The following MSN variants were observed in gnomAD, a reference collection of about 807,000 sequenced individuals.
MSN encodes the protein moesin.
Under a neutral mutation model 48.0 loss-of-function variants are expected in MSN, and 2 were observed. The ratio of observed to expected loss-of-function variants is 0.04; its 90% CI spans 0.02 to 0.13. The LOEUF (loss-of-function observed/expected upper bound fraction) is 0.13, where lower values mean the gene tolerates loss of function less well. Ranked by LOEUF, MSN falls within the 10% of genes least tolerant of loss-of-function variation. MSN has a pLI of 1.00. For synonymous variants in MSN, 146 were observed against 166.9 expected, an observed-to-expected ratio of 0.87 and a Z score of 0.97; for missense variants, 267 against 470.1, an observed-to-expected ratio of 0.57 and a Z score of 3.99.
At position 65,739,120 on chromosome X, in the gene MSN, A is replaced by G. The variant is rs1396108798; in HGVS notation, c.1495A>G (p.Met499Val). ...EASADLRADA[M>V]AKDRSEEERT... ...TAGTGCTGACCTACGGGCTGATGCTATGGCCAAGGACCGCAGTGAGGAGGA... is the reference window on the plus strand; with the variant it reads ...TAGTGCTGACCTACGGGCTGATGCTGTGGCCAAGGACCGCAGTGAGGAGGA... The change falls in exon 12 of 13, where the codon ATG (methionine) becomes GTG (valine). Residue 499 changes from methionine (M) to valine (V), a missense_variant. Coordinates refer to ENST00000360270, the MANE Select transcript of MSN (RefSeq NM_002444.3). 8.3e-7 allele frequency: 1 copy of G among 1,210,033 alleles called. No individual in the cohort carries two copies. The highest frequency in any genetic ancestry group is 1.1e-6 in the Non-Finnish European group (1 of 894,866).
At position 65,599,483 on chromosome X, in the gene MSN, A is replaced by G. The variant is rs772791464; in HGVS notation, c.-22+10871A>G. On this transcript the variant is annotated intron_variant, in intron 1 of 3. Transcript: ENST00000609672. Reference sequence around the variant, plus strand: ...CCTCATCTCTACTAAAAATACAAAAATTAGCTGGGCGTAGTGGCATGTGCC... The same window carrying G: ...CCTCATCTCTACTAAAAATACAAAAGTTAGCTGGGCGTAGTGGCATGTGCC... Among the ~76,000 whole-genome samples the G allele has an allele frequency of 2.7e-5, 3 of 111,106 alleles. No homozygotes were observed. In the South Asian group the frequency reaches 1.1e-3, roughly 42 times the overall value.
intron 1 of MSN, among the ~76,000 whole-genome samples, chrX:65,684,823 C>G (rs1202915902): frequency 1.8e-5 from 2 of 112,811 alleles, no homozygotes; most frequent in African/African-American, 3.2e-5. Flanking sequence ...ACTGTAACCT[C>G]CAACTCTTGG....
Position 65,737,278 on chromosome X carries a change from A to G in MSN, c.1191A>G (p.Glu397=), listed in dbSNP as rs752902013. ...TGGCCAAGGAGCGTCAAGAAGCTGAAGAGGCCAAGGAGGCCTTGCTGCAGG... is the reference window on the plus strand; with the variant it reads ...TGGCCAAGGAGCGTCAAGAAGCTGAGGAGGCCAAGGAGGCCTTGCTGCAGG... The part of the protein sequence containing the change: ...EKLAKERQEA[E]EAKEALLQAS... The change falls in exon 10 of 13, where the codon GAA becomes GAG. Residue 397 remains glutamate (E), a synonymous_variant. Transcript: ENST00000360270. 3 of 1,209,823 alleles carry G rather than the reference A, an allele frequency of 2.5e-6. No homozygotes were observed. The African/African-American group carries it at 5.2e-5, about 21-fold the overall frequency.
rs1464949940 is a variant in MSN at position 65,683,939 on chromosome X, TTTC to T, written c.12+16089_12+16091del. Among the ~76,000 whole-genome samples, 3 of 102,176 alleles carry T rather than the reference TTTC, an allele frequency of 2.9e-5. 1 individual carries two copies. Among genetic ancestry groups the T allele is most frequent in the Non-Finnish European group, 4.1e-5 (2 of 49,078 alleles). The allele number at this position is 102,176 out of a possible 115,157, so 88.7% of individuals were successfully genotyped here. On this transcript the variant is annotated intron_variant, in intron 1 of 12. Coordinates refer to ENST00000360270, the MANE Select transcript of MSN (RefSeq NM_002444.3). ...AAACTCTTTTTTTTCTTTCTTTCTTTTTCTTTTTTTTTTTTTTTTGAGATGGAG... is the reference window on the plus strand; with the variant it reads ...AAACTCTTTTTTTTCTTTCTTTCTTTTTTTTTTTTTTTTTTTGAGATGGAG...
rs1410603391 is a variant in MSN at position 65,735,056 on chromosome X, G to A, written c.796-211G>A. On this transcript the variant is annotated intron_variant, in intron 7 of 12. Coordinates refer to ENST00000360270, the MANE Select transcript of MSN (RefSeq NM_002444.3). Reference sequence around the variant, plus strand: ...TTATGGGAAGAACATGGGTTTCAGAGTCAAGAAACCTGGGTTTCTAGTCTT... The same window carrying A: ...TTATGGGAAGAACATGGGTTTCAGAATCAAGAAACCTGGGTTTCTAGTCTT... 4.4e-5 allele frequency among the ~76,000 whole-genome samples: 5 copies of A among 112,379 alleles called. No homozygotes were observed. In the Admixed American group the frequency reaches 4.7e-4, roughly 11 times the overall value.
chrX:65,693,344 T>G (rs759124273), intron 1 of MSN, among the ~76,000 whole-genome samples: 5 of 112,644 alleles, frequency 4.4e-5, no homozygotes, highest in South Asian at 7.2e-4. Flanking sequence ...ATTTCTTGCC[T>G]TCTGCTAGCT....
intron 1 of MSN, among the ~76,000 whole-genome samples, chrX:65,647,027 A>G (rs756269732): frequency 1.8e-5 from 2 of 110,985 alleles, no homozygotes; most frequent in Non-Finnish European, 3.8e-5. Flanking sequence ...CCTCTCATTC[A>G]CTCTTATTAT....
intron 1 of MSN, among the ~76,000 whole-genome samples, chrX:65,668,681 C>T (rs2070899103): frequency 1.8e-5 from 2 of 111,794 alleles, no homozygotes; most frequent in African/African-American, 6.5e-5. Context: ...GAACAGAAGC[C>T]TCCTGGGAGT....
intron 1 of MSN, among the ~76,000 whole-genome samples, chrX:65,712,124 C>A (rs139428155): frequency 1.8e-5 from 2 of 110,836 alleles, no homozygotes; most frequent in African/African-American, 6.6e-5. Context: ...TACTTTATGA[C>A]GGCCCATTCT....
chrX:65,675,580 AT>A (rs1194598818), intron 1 of MSN, among the ~76,000 whole-genome samples: 1 of 111,554 alleles, frequency 9.0e-6, no homozygotes, highest in Non-Finnish European at 1.9e-5. Flanking sequence ...TCCTTTCTTA[AT>A]TGGCAAACAA....
At chrX:65,651,293 G>C (rs1370901043) in intron 1 of MSN, among the ~76,000 whole-genome samples, 1 of 102,176 alleles carries the variant, frequency 9.8e-6, no homozygotes, top group Non-Finnish European at 2.0e-5. Context: ...ATTCCAGCCC[G>C]GGGGACAGAG....
chrX:65,639,392 G>A (rs931611818), intron 1 of MSN, among the ~76,000 whole-genome samples: 2 of 111,887 alleles, frequency 1.8e-5, no homozygotes, highest in Non-Finnish European at 3.8e-5. Context: ...TAATCCACTC[G>A]CCTCAGCCTC....
chrX:65,733,253 C>A lies in MSN; in HGVS notation c.768C>A (p.Val256=), dbSNP rs184924480. 20 of 1,209,438 alleles carry A rather than the reference C, an allele frequency of 1.7e-5. No homozygotes were observed. The East Asian group carries it at 4.1e-4, about 25-fold the overall frequency. The change falls in exon 7 of 13, where the codon GTC becomes GTA. Residue 256 remains valine, a synonymous_variant. Coordinates refer to ENST00000360270, the MANE Select transcript of MSN (RefSeq NM_002444.3). ...TCTCTTTCAATGATAAGAAATTTGT[C>A]ATCAAGCCCATTGACAAAAAAGCCC... The part of the protein sequence containing the change: ...RNISFNDKKF[V]IKPIDKKAPD...
intron 1 of MSN, among the ~76,000 whole-genome samples, chrX:65,637,083 C>T (rs765592651): frequency 6.5e-5 from 6 of 92,860 alleles, no homozygotes; most frequent in Admixed American, 5.0e-4. Flanking sequence ...CAGCAAGATT[C>T]GGTCTCAAAA....
chrX:65,706,535 C>T (rs1429559833), intron 1 of MSN, among the ~76,000 whole-genome samples: 1 of 111,971 alleles, frequency 8.9e-6, no homozygotes, highest in Non-Finnish European at 1.9e-5. Context: ...CAACCTCTGC[C>T]CCAGTGAGAC....
chrX:65,648,262 C>T lies in MSN; in HGVS notation c.-22+59650C>T, dbSNP rs1057449338. Reference sequence around the variant, plus strand: ...GGAGTGGTCACTCATGCATTTAATCCCAACACTTTGGGAGGCGCGGTGGCT... The same window carrying T: ...GGAGTGGTCACTCATGCATTTAATCTCAACACTTTGGGAGGCGCGGTGGCT... On this transcript the variant is annotated intron_variant, in intron 1 of 3. Transcript: ENST00000609672. 4.5e-5 allele frequency among the ~76,000 whole-genome samples: 5 copies of T among 112,041 alleles called. No individual in the cohort carries two copies. In the Admixed American group the frequency reaches 4.7e-4, roughly 11 times the overall value.
intron 1 of MSN, among the ~76,000 whole-genome samples, chrX:65,684,066 G>A (rs1290120071): frequency 1.1e-4 from 12 of 107,513 alleles, no homozygotes; most frequent in Non-Finnish European, 2.1e-4. Flanking sequence ...TCAGTCTCCC[G>A]AGTAGCTGGG....
chrX:65,628,405 G>T (rs943015943), intron 1 of MSN, among the ~76,000 whole-genome samples: 33 of 112,822 alleles, frequency 2.9e-4, no homozygotes, highest in Admixed American at 6.5e-4. Flanking sequence ...AGGGCTTGGG[G>T]CTTCCACCCT....
At chrX:65,688,183 A>G (rs1482977693) in intron 1 of MSN, among the ~76,000 whole-genome samples, 2 of 112,109 alleles carry the variant, frequency 1.8e-5, no homozygotes, top group African/African-American at 3.2e-5. Context: ...TGTTATTACT[A>G]TGTCATTTGA....
Sources: allele counts gnomAD v4.1 joint callset (sites outside exome capture counted in the v4.1 genomes callset), GRCh38; gene constraint gnomAD v4.1.1; transcripts MANE v1.5; gene names NCBI Gene and HGNC (gene_info 2026-07-23, HGNC 2026-07-21).